The following GTF2F2 variants were observed in gnomAD, a reference collection of about 807,000 sequenced individuals.
The protein encoded by GTF2F2 is ATP-dependent helicase GTF2F2.
A neutral mutation model predicts 42.2 loss-of-function variants in GTF2F2; 23 were observed. That is an observed-to-expected ratio of 0.55 (90% confidence interval 0.39 to 0.77). GTF2F2 has a LOEUF of 0.77. Among genes scored for constraint, GTF2F2 ranks in the 30% least tolerant of loss-of-function variants. GTF2F2 has a pLI of 0.00. For synonymous variants in GTF2F2, 105 were observed against 100.8 expected (o/e 1.04, Z -0.25); for missense variants, 261 against 287.2 (o/e 0.91, Z 0.66).
chr13:45,183,969 C>A (rs138976559), intron 4 of GTF2F2, among the ~76,000 whole-genome samples: 22 of 152,094 alleles, frequency 1.4e-4, no homozygotes, highest in African/African-American at 5.3e-4. Flanking sequence ...AGTTGTCCTG[C>A]CTCAGCCTCC....
intron 4 of GTF2F2, among the ~76,000 whole-genome samples, chr13:45,164,040 G>T (rs929087448): frequency 6.6e-6 from 1 of 152,146 alleles, no homozygotes; most frequent in Non-Finnish European, 1.5e-5. Context: ...TATAATCCCA[G>T]CTCCTCAGCA....
At chr13:45,202,748 T>G (rs572468609) in intron 4 of GTF2F2, among the ~76,000 whole-genome samples, 1 of 150,590 alleles carries the variant, frequency 6.6e-6, no homozygotes, top group South Asian at 2.1e-4. Context: ...AGGTCAGGGG[T>G]TCAAGACCTG....
At chr13:45,199,383 A>G (rs1873062577) in intron 4 of GTF2F2, among the ~76,000 whole-genome samples, 1 of 152,270 alleles carries the variant, frequency 6.6e-6, no homozygotes, top group African/African-American at 2.4e-5. Context: ...GATTTTCACT[A>G]CAGAGGCAAT....
At chr13:45,263,091 A>G (rs1876412166) in intron 6 of GTF2F2, among the ~76,000 whole-genome samples, 1 of 152,178 alleles carries the variant, frequency 6.6e-6, no homozygotes, top group African/African-American at 2.4e-5. Context: ...TGAGGACATT[A>G]AAGAGATGTT....
intron 5 of GTF2F2, among the ~76,000 whole-genome samples, chr13:45,209,777 CA>C (rs1295413382): frequency 2.6e-5 from 4 of 152,174 alleles, no homozygotes; most frequent in African/African-American, 9.7e-5. Context: ...ATCTTTCCCG[CA>C]AAACCCGCTC....
At chr13:45,236,126 A>G (rs1315214392) in intron 5 of GTF2F2, among the ~76,000 whole-genome samples, 2 of 152,190 alleles carry the variant, frequency 1.3e-5, no homozygotes, top group Non-Finnish European at 2.9e-5. Flanking sequence ...TGACTTGAGA[A>G]TATTCAAGGG....
At chr13:45,125,571 C>T (rs1256421589) in intron 1 of GTF2F2, among the ~76,000 whole-genome samples, 1 of 152,166 alleles carries the variant, frequency 6.6e-6, no homozygotes, top group Admixed American at 6.5e-5. Flanking sequence ...ATCTGCCCGT[C>T]TCGGCCTTCC....
At chr13:45,235,071 A>AAAAG (rs1874893655) in intron 5 of GTF2F2, among the ~76,000 whole-genome samples, 1 of 137,798 alleles carries the variant, frequency 7.3e-6, no homozygotes, top group Non-Finnish European at 1.5e-5. Context: ...AAAAAAAAAA[A>AAAAG]GGTCATAGTT....
chr13:45,128,009 G>A (rs1284265972), intron 1 of GTF2F2, among the ~76,000 whole-genome samples: 6 of 129,574 alleles, frequency 4.6e-5, no homozygotes, highest in South Asian at 2.5e-4. Context: ...CACCCAGGCC[G>A]GAGTGCAGTG....
intron 7 of GTF2F2, among the ~76,000 whole-genome samples, chr13:45,277,479 A>T (rs1220385680): frequency 6.6e-6 from 1 of 152,208 alleles, no homozygotes; most frequent in Non-Finnish European, 1.5e-5. Flanking sequence ...GTGCTAATTC[A>T]TGAGAGTTCC....
chr13:45,156,751 C>A (rs1566117307), intron 4 of GTF2F2, among the ~76,000 whole-genome samples: 4 of 152,108 alleles, frequency 2.6e-5, no homozygotes, highest in Non-Finnish European at 5.9e-5. Flanking sequence ...ATAGTGAAAC[C>A]ATTACTGAAT....
At chr13:45,238,761 A>T (rs1198813618) in intron 5 of GTF2F2, among the ~76,000 whole-genome samples, 2 of 152,098 alleles carry the variant, frequency 1.3e-5, no homozygotes, top group Non-Finnish European at 2.9e-5. Context: ...CCTGACCAAC[A>T]TGGAGAAACC....
At chr13:45,171,219 A>G (rs1404750419) in intron 4 of GTF2F2, among the ~76,000 whole-genome samples, 1 of 151,858 alleles carries the variant, frequency 6.6e-6, no homozygotes, top group Admixed American at 6.6e-5. Context: ...CTGGGACTAC[A>G]GGTGCATGCC....
Position 45,170,250 on chromosome 13 carries a change from A to AC in GTF2F2, c.304+18426dup, listed in dbSNP as rs199905222. On this transcript the variant is annotated intron_variant, in intron 4 of 7. Transcript: ENST00000340473. ...ATTTTCTTGCCCAGGCTGGTCTCAG[A>AC]CCCCCCCTGCCTTGGCCTGCCAAAG... Among the ~76,000 whole-genome samples the AC allele has an allele frequency of 1.3e-3, 197 of 151,486 alleles. 2 individuals carry two copies. The highest frequency in any genetic ancestry group is 4.2e-3 in the African/African-American group (173 of 41,246).
chr13:45,267,190 A>G, intron 6 of GTF2F2, 43 bp from the exon 7 acceptor site: 1 of 1,516,816 alleles, frequency 6.6e-7, no homozygotes, highest in South Asian at 1.2e-5. Flanking sequence ...TAGAGTGAGC[A>G]TGTTGAATTG....
At chr13:45,209,196 TG>T (rs1194471461) in intron 5 of GTF2F2, among the ~76,000 whole-genome samples, 1 of 152,242 alleles carries the variant, frequency 6.6e-6, no homozygotes, top group Non-Finnish European at 1.5e-5. Flanking sequence ...TAAGGACATT[TG>T]GTGGTCTCAT....
At position 45,135,374 on chromosome 13, in the gene GTF2F2, C is replaced by G. The variant is rs141752525; in HGVS notation, c.67-1359C>G. On this transcript the variant is annotated intron_variant, in intron 1 of 7. Coordinates refer to ENST00000340473, the MANE Select transcript of GTF2F2 (RefSeq NM_004128.3). ...TCCCAGGTTCAAGCAAGTCTCCTGC[C>G]TCAGCCTCCTGAGTAGCTGGGATTA... 1.4e-4 allele frequency among the ~76,000 whole-genome samples: 22 copies of G among 152,266 alleles called. No individual in the cohort carries two copies. The East Asian group carries it at 3.3e-3, about 23-fold the overall frequency.
At chr13:45,151,888 G>A (rs1870512760) in intron 4 of GTF2F2, 57 bp downstream of exon 4, 10 of 513,764 alleles carry the variant, frequency 1.9e-5, no homozygotes, top group Non-Finnish European at 2.5e-5. Flanking sequence ...TAGATTTTCT[G>A]TCTCAACATA....
intron 7 of GTF2F2, among the ~76,000 whole-genome samples, chr13:45,280,449 C>A (rs1416348129): frequency 6.6e-6 from 1 of 152,116 alleles, no homozygotes; most frequent in Non-Finnish European, 1.5e-5. Flanking sequence ...CCCTGCCAAG[C>A]TAATTTATTT....
Sources: gnomAD v4.1 joint callset for allele counts (sites outside exome capture counted in the v4.1 genomes callset) on GRCh38, gnomAD v4.1.1 for gene constraint, MANE v1.5 for transcripts, NCBI Gene and HGNC (gene_info 2026-07-23, HGNC 2026-07-21) for gene names.